Variants in LSM8 observed in about 807,000 individuals in gnomAD.
The protein encoded by LSM8 is LSM8 homolog, U6 small nuclear RNA associated.
In LSM8, 14 loss-of-function variants were observed where a neutral mutation model predicts 15.0. That is an observed-to-expected ratio of 0.93 (90% CI 0.62 to 1.46). LSM8 has a LOEUF of 1.46. LSM8 is among the 40% of genes most tolerant of loss of function. The pLI is 0.00. For missense variants in LSM8, 90 were observed against 115.4 expected (o/e 0.78, Z 1.01); for synonymous variants, 50 against 42.1 (o/e 1.19, Z -0.73).
In LSM8 at chr7:118,188,251, T is replaced by G; in HGVS notation, c.73-27T>G. 1.9e-6 allele frequency: 3 copies of G among 1,609,998 alleles called. No individual in the cohort carries two copies. The South Asian group carries it at 3.3e-5, about 18-fold the overall frequency. On this transcript the variant is annotated intron_variant, in intron 2 of 3. Transcript: ENST00000249299. ...TTTCAGGTAAACCAGAATATTTCTC[T>G]TTTTCTCCTGAATATTTTCTTTACA... is the stretch of plus-strand genomic sequence containing the variant.
chr7:118,190,146 T>C (rs1252909201), intron 3 of LSM8: 1 of 152,196 alleles, frequency 6.6e-6, no homozygotes, highest in African/African-American at 2.4e-5. Flanking sequence ...CTCATTTAAG[T>C]TGTTTATGTT....
chr7:118,201,538 AT>A lies in LSM8; in HGVS notation c.*9540del, dbSNP rs1320407087. 1.3e-5 allele frequency among the ~76,000 whole-genome samples: 2 copies of A among 152,088 alleles called. No homozygotes were observed. The highest frequency in any genetic ancestry group is 2.9e-5 in the Non-Finnish European group (2 of 67,978). Reference sequence around the variant, plus strand: ...ACAACCAAGAATCTCAATATTTATTATTTTGCATTAAATATCAGTAAGTTTG... The same window carrying A: ...ACAACCAAGAATCTCAATATTTATTATTTGCATTAAATATCAGTAAGTTTG... On this transcript the variant is annotated 3_prime_UTR_variant, in exon 4 of 4. Coordinates refer to ENST00000249299, the MANE Select transcript of LSM8 (RefSeq NM_016200.5).
At chr7:118,188,547 C>G in intron 3 of LSM8, 142 bp downstream of exon 3, 1 of 739,682 alleles carries the variant, frequency 1.4e-6, no homozygotes, top group Non-Finnish European at 2.0e-6. Context: ...TATACCTTTT[C>G]TTATGTTTGT....
rs1381041700 is a variant in LSM8, at chr7:118,199,972, G to T, written c.*7970G>T. Among the ~76,000 whole-genome samples the T allele has an allele frequency of 6.6e-6, 1 of 152,058 alleles. No homozygotes were observed. The highest frequency in any genetic ancestry group is 2.4e-5 in the African/African-American group (1 of 41,418). On this transcript the variant is annotated 3_prime_UTR_variant, in exon 4 of 4. Coordinates refer to ENST00000249299, the MANE Select transcript of LSM8 (RefSeq NM_016200.5). Reference sequence around the variant, plus strand: ...GTGATAAAAAACAGAGCTTAACAAAGGACTGGATGTTTTAGTTTGACAGCA... The same window carrying T: ...GTGATAAAAAACAGAGCTTAACAAATGACTGGATGTTTTAGTTTGACAGCA...
rs1356638372 is a variant in LSM8 at position 118,197,471 on chromosome 7, T to A, written c.*5469T>A. Among the ~76,000 whole-genome samples, 2 of 152,092 alleles carry A rather than the reference T, an allele frequency of 1.3e-5. No individual in the cohort carries two copies. The highest frequency in any genetic ancestry group is 4.8e-5 in the African/African-American group (2 of 41,396). On this transcript the variant is annotated 3_prime_UTR_variant, in exon 4 of 4. Transcript: ENST00000249299. ...ATATCAACAAAATGATTATAATAAA[T>A]CATACTCTAGAAAACTCATTAACTG...
At position 118,193,688 on chromosome 7, in the gene LSM8, T is replaced by C. The variant is rs2115928083; in HGVS notation, c.*1686T>C. Among the ~76,000 whole-genome samples, 1 of 152,216 alleles carries C rather than the reference T, an allele frequency of 6.6e-6. No individual in the cohort carries two copies. On this transcript the variant is annotated 3_prime_UTR_variant, in exon 4 of 4. Coordinates refer to ENST00000249299, the MANE Select transcript of LSM8 (RefSeq NM_016200.5). ...TTTAGGGACTGTGAATGAAATATTG[T>C]AGTATATGGCATTTTGAATTGGTAA...
Position 118,195,853 on chromosome 7 carries a change from C to T in LSM8, c.*3851C>T, listed in dbSNP as rs1363464545. Among the ~76,000 whole-genome samples the T allele has an allele frequency of 6.6e-6, 1 of 152,120 alleles. No homozygotes were observed. Among genetic ancestry groups the T allele is most frequent in the Non-Finnish European group, 1.5e-5 (1 of 68,020 alleles). On this transcript the variant is annotated 3_prime_UTR_variant, in exon 4 of 4. Transcript: ENST00000249299. Reference sequence around the variant, plus strand: ...AAAAATGTTGATAAGGTAAAGCTATCTCCATTTAGATTGATACCCATTAAA... The same window carrying T: ...AAAAATGTTGATAAGGTAAAGCTATTTCCATTTAGATTGATACCCATTAAA...
chr7:118,200,674 G>A lies in LSM8; in HGVS notation c.*8672G>A, dbSNP rs1220721028. Among the ~76,000 whole-genome samples, 3 of 151,970 alleles carry A rather than the reference G, an allele frequency of 2.0e-5. No homozygotes were observed. Among genetic ancestry groups the A allele is most frequent in the Admixed American group, 6.6e-5 (1 of 15,224 alleles). On this transcript the variant is annotated 3_prime_UTR_variant, in exon 4 of 4. Coordinates refer to ENST00000249299, the MANE Select transcript of LSM8 (RefSeq NM_016200.5). ...TTGTTGACTTATATTTCATTCCATGGAATTCAAATTTAATTAATTGATAAA... is the reference window on the plus strand; with the variant it reads ...TTGTTGACTTATATTTCATTCCATGAAATTCAAATTTAATTAATTGATAAA...
Position 118,192,087 on chromosome 7 carries a change from T to C in LSM8, c.*85T>C. On this transcript the variant is annotated 3_prime_UTR_variant, in exon 4 of 4. Transcript: ENST00000249299. ...ATGATATATGGAGTTTTTATGAGTG[T>C]GTCACTGGATTTTGACTCCTTATTG... The C allele has an allele frequency of 1.2e-6, 1 of 836,470 alleles. No individual in the cohort carries two copies. Among genetic ancestry groups the C allele is most frequent in the Non-Finnish European group, 1.8e-6 (1 of 553,858 alleles). 51.8% of individuals were successfully genotyped at this position (836,470 alleles called of 1,614,324 possible). A position where few individuals can be genotyped will look rare whatever the true frequency, so the allele number is the denominator to read the frequency against.
rs1584708355 is a variant in LSM8 at position 118,193,865 on chromosome 7, C to T, written c.*1863C>T. 6.6e-6 allele frequency among the ~76,000 whole-genome samples: 1 copy of T among 152,226 alleles called. No individual in the cohort carries two copies. The highest frequency in any genetic ancestry group is 1.5e-5 in the Non-Finnish European group (1 of 67,960). On this transcript the variant is annotated 3_prime_UTR_variant, in exon 4 of 4. Coordinates refer to ENST00000249299, the MANE Select transcript of LSM8 (RefSeq NM_016200.5). Reference sequence around the variant, plus strand: ...ATAAACAAATAAAAACCAGTCCTGTCCCTCATGATAATGGGTTTCTAATGT... The same window carrying T: ...ATAAACAAATAAAAACCAGTCCTGTTCCTCATGATAATGGGTTTCTAATGT...
In LSM8 at chr7:118,195,154, C is replaced by T. The variant is rs568730880; in HGVS notation, c.*3152C>T. ...TTTAAAAATTTTCTTGGGCCCTACT[C>T]GTTGTGGTTCAGCAGCTGTGTAATG... On this transcript the variant is annotated 3_prime_UTR_variant, in exon 4 of 4. Transcript: ENST00000249299. Among the ~76,000 whole-genome samples the T allele has an allele frequency of 2.6e-5, 4 of 152,160 alleles. No homozygotes were observed. Among genetic ancestry groups the T allele is most frequent in the East Asian group, 3.9e-4 (2 of 5,166 alleles).
Position 118,200,825 on chromosome 7 carries a change from A to G in LSM8, c.*8823A>G, listed in dbSNP as rs765574400. ...AACGAACTGAGGTTTGCAATTGCTA[A>G]TGTTATTCTCCCATCCCAGTTTCTA... On this transcript the variant is annotated 3_prime_UTR_variant, in exon 4 of 4. Transcript: ENST00000249299. 6.6e-5 allele frequency among the ~76,000 whole-genome samples: 10 copies of G among 152,078 alleles called. No homozygotes were observed. Among genetic ancestry groups the G allele is most frequent in the Non-Finnish European group, 1.2e-4 (8 of 67,986 alleles).
Position 118,192,027 on chromosome 7 carries a change from T to G in LSM8, c.*25T>G, listed in dbSNP as rs754666310. On this transcript the variant is annotated 3_prime_UTR_variant, in exon 4 of 4. Coordinates refer to ENST00000249299, the MANE Select transcript of LSM8 (RefSeq NM_016200.5). ...AGGAAAAACTACATACTTGGACATC[T>G]GTAAATCTTTGTACAGAAACTGATT... 33 of 1,524,530 alleles carry G rather than the reference T, an allele frequency of 2.2e-5. No homozygotes were observed. In the Admixed American group the frequency reaches 3.6e-4, roughly 17 times the overall value. The allele number at this position is 1,524,530 out of a possible 1,614,324, so 94.4% of individuals were successfully genotyped here.
chr7:118,190,673 T>G (rs1412010669), intron 3 of LSM8: 1 of 152,234 alleles, frequency 6.6e-6, no homozygotes, highest in Non-Finnish European at 1.5e-5. Context: ...TAAGAATATT[T>G]AAGAGTGGAA....
Position 118,192,562 on chromosome 7 carries a change from A to G in LSM8, c.*560A>G, listed in dbSNP as rs1022439751. 3.9e-5 allele frequency: 6 copies of G among 152,178 alleles called. No individual in the cohort carries two copies. The highest frequency in any genetic ancestry group is 1.4e-4 in the African/African-American group (6 of 41,444). 9.4% of individuals were successfully genotyped at this position (152,178 alleles called of 1,614,324 possible). A position where few individuals can be genotyped will look rare whatever the true frequency, so the allele number is the denominator to read the frequency against. On this transcript the variant is annotated 3_prime_UTR_variant, in exon 4 of 4. Coordinates refer to ENST00000249299, the MANE Select transcript of LSM8 (RefSeq NM_016200.5). ...AAGCAAAAATGCTAACAAGGTTTTG[A>G]TAGATTGGCCCAAAATTCTAACTTG... is the stretch of plus-strand genomic sequence containing the variant.
In LSM8 at chr7:118,184,219, A is replaced by G. The variant is rs1050513556; in HGVS notation, c.-5A>G. The G allele has an allele frequency of 6.5e-7, 1 of 1,542,152 alleles. No homozygotes were observed. ...GCGTTACCCGGAACCGCCGGGCCGA[A>G]CAGCATGACGTCCGCTTTGGAGAAC... On this transcript the variant is annotated 5_prime_UTR_variant, in exon 1 of 4. Transcript: ENST00000249299.
chr7:118,188,483 T>C (rs1808924129), intron 3 of LSM8, 78 bp downstream of exon 3: 2 of 1,302,320 alleles, frequency 1.5e-6, no homozygotes, highest in Admixed American at 4.2e-5. Flanking sequence ...CAAAATACCC[T>C]ACTGTATTGT....
In LSM8 at chr7:118,197,801, T is replaced by G. The variant is rs1809106743; in HGVS notation, c.*5799T>G. 6.6e-6 allele frequency among the ~76,000 whole-genome samples: 1 copy of G among 152,168 alleles called. No homozygotes were observed. On this transcript the variant is annotated 3_prime_UTR_variant, in exon 4 of 4. Coordinates refer to ENST00000249299, the MANE Select transcript of LSM8 (RefSeq NM_016200.5). ...AAAGGCACAGACTCTGGAGTCATACTTAGTTTGCAGAGCTTAGCATATTAA... is the reference window on the plus strand; with the variant it reads ...AAAGGCACAGACTCTGGAGTCATACGTAGTTTGCAGAGCTTAGCATATTAA...
At chr7:118,188,849 C>T (rs985495878) in intron 3 of LSM8, 1 of 153,100 alleles carries the variant, frequency 6.5e-6, no homozygotes, top group African/African-American at 2.4e-5. Context: ...AATTCATGCT[C>T]AATAACATAG....
Sources: allele counts gnomAD v4.1 joint callset (sites outside exome capture counted in the v4.1 genomes callset), GRCh38; gene constraint gnomAD v4.1.1; transcripts MANE v1.5; gene names NCBI Gene and HGNC (gene_info 2026-07-23, HGNC 2026-07-21).